The following ZMYM5 variants were observed in gnomAD, a reference collection of about 807,000 sequenced individuals.
ZMYM5 encodes zinc finger MYM-type protein 5.
A neutral mutation model predicts 61.8 loss-of-function variants in ZMYM5; 41 were observed. The ratio of observed to expected loss-of-function variants is 0.66; its 90% confidence interval spans 0.52 to 0.86. The LOEUF (loss-of-function observed/expected upper bound fraction) is 0.86. Ranked by LOEUF, ZMYM5 falls within the 40% of genes least tolerant of loss-of-function variation. ZMYM5 has a pLI of 0.00. For missense variants in ZMYM5, 706 were observed against 786.7 expected, an observed-to-expected ratio of 0.90 and a Z score of 1.23; for synonymous variants, 257 against 276.4, an observed-to-expected ratio of 0.93 and a Z score of 0.70.
chr13:19,853,101 C>T (rs1256540830), intron 2 of ZMYM5, among the ~76,000 whole-genome samples: 2 of 152,370 alleles, frequency 1.3e-5, no homozygotes, highest in East Asian at 3.9e-4. Flanking sequence ...ATCCTCCTGC[C>T]TTGGCTCCCC....
At chr13:19,853,290 T>C (rs1473135356) in intron 2 of ZMYM5, among the ~76,000 whole-genome samples, 1 of 152,206 alleles carries the variant, frequency 6.6e-6, no homozygotes, top group Non-Finnish European at 1.5e-5. Flanking sequence ...TGGGGGGCTC[T>C]TAAGCAGATG....
chr13:19,835,826 A>AAT (rs1555259397), intron 6 of ZMYM5, 137 bp from the exon 7 acceptor site: 6 of 456,016 alleles, frequency 1.3e-5, no homozygotes, highest in Non-Finnish European at 2.1e-5. Context: ...CAGGGAAAAG[A>AAT]TTTTTTTTTT....
chr13:19,859,936 C>G (rs1027388307), intron 2 of ZMYM5, among the ~76,000 whole-genome samples: 1 of 149,492 alleles, frequency 6.7e-6, no homozygotes, highest in African/African-American at 2.4e-5. Flanking sequence ...AGTCCCTTGT[C>G]TCTACTAAAA....
At chr13:19,862,959 A>G (rs1329102595) in intron 1 of ZMYM5, among the ~76,000 whole-genome samples, 1 of 152,200 alleles carries the variant, frequency 6.6e-6, no homozygotes, top group Non-Finnish European at 1.5e-5. Context: ...GCAAAGAGTA[A>G]AAGCCGCGCA....
At chr13:19,853,616 C>CTT (rs1183645892) in intron 2 of ZMYM5, among the ~76,000 whole-genome samples, 2 of 142,550 alleles carry the variant, frequency 1.4e-5, no homozygotes, top group African/African-American at 2.6e-5. Flanking sequence ...TTTTTTCTTT[C>CTT]TTTTTTTTTT....
At chr13:19,839,098 T>C in intron 4 of ZMYM5, 113 bp from the exon 5 acceptor site, 1 of 1,323,268 alleles carries the variant, frequency 7.6e-7, no homozygotes, top group Non-Finnish European at 1.0e-6. Context: ...CGTATAAACA[T>C]GTGGTTAAGG....
intron 1 of ZMYM5, 30 bp from the exon 2 acceptor site, chr13:19,862,496 TACAACCAATCTGGATGC>T (rs1447150666): frequency 6.6e-6 from 1 of 151,942 alleles, no homozygotes; most frequent in African/African-American, 2.4e-5. Flanking sequence ...CCAATTTCGG[TACAACCAATCTGGATGC>T]ACAACCAACT....
intron 7 of ZMYM5, among the ~76,000 whole-genome samples, chr13:19,831,149 C>T (rs1891194736): frequency 7.4e-6 from 1 of 135,606 alleles, no homozygotes; most frequent in African/African-American, 2.7e-5. Context: ...TTTTTTGAGA[C>T]AAGGTCTTGC....
intron 4 of ZMYM5, among the ~76,000 whole-genome samples, chr13:19,844,086 C>T (rs1454130384): frequency 8.8e-5 from 13 of 147,530 alleles, no homozygotes; most frequent in Admixed American, 3.5e-4. Context: ...TTCAGTGAGC[C>T]GAGATCGCCC....
chr13:19,854,441 G>A (rs1482021198), intron 2 of ZMYM5, among the ~76,000 whole-genome samples: 7 of 151,922 alleles, frequency 4.6e-5, no homozygotes, highest in Non-Finnish European at 8.8e-5. Flanking sequence ...CCTGGTCAAC[G>A]TGGTGAAACC....
rs1890783520 is a variant in ZMYM5, at chr13:19,823,962, C to T, written c.*515G>A. The T allele has an allele frequency of 6.6e-6, 1 of 152,306 alleles. No homozygotes were observed. Among genetic ancestry groups the T allele is most frequent in the African/African-American group, 2.4e-5 (1 of 41,442 alleles). 9.4% of individuals were successfully genotyped at this position (152,306 alleles called of 1,614,324 possible). A position where few individuals can be genotyped will look rare whatever the true frequency, so the allele number is the denominator to read the frequency against. Reference sequence around the variant, plus strand: ...CAAGCGATTCTCCTGCCTCAGCCTCCTGAGTAGCTGGGACTACAGGTGTGT... The same window carrying T: ...CAAGCGATTCTCCTGCCTCAGCCTCTTGAGTAGCTGGGACTACAGGTGTGT... On this transcript the variant is annotated 3_prime_UTR_variant, in exon 8 of 8. Transcript: ENST00000337963.
At position 19,851,748 on chromosome 13, in the gene ZMYM5, C is replaced by T; in HGVS notation, c.433G>A (p.Gly145Arg). ...SSCFIEWGLP[G>R]TKNKTNDLDF... ...AAATCGTTGGTTTTGTTTTTAGTTCCAGGAAGTCCCCATTCGATAAAACAG... is the reference window on the plus strand; with the variant it reads ...AAATCGTTGGTTTTGTTTTTAGTTCTAGGAAGTCCCCATTCGATAAAACAG... Residue 145 changes from glycine (G) to arginine (R), a missense_variant, in exon 3 of 8, where the codon GGA (glycine) becomes AGA (arginine). This residue lies in a region of ZMYM5 where 480 missense variants were observed against 461.7 expected (regional missense o/e 1.04). Transcript: ENST00000337963. 6.3e-7 allele frequency: 1 copy of T among 1,592,920 alleles called. No homozygotes were observed. The highest frequency in any genetic ancestry group is 8.5e-7 in the Non-Finnish European group (1 of 1,174,656).
intron 4 of ZMYM5, among the ~76,000 whole-genome samples, chr13:19,847,240 C>A (rs1376451604): frequency 3.3e-5 from 5 of 152,118 alleles, no homozygotes; most frequent in Admixed American, 3.3e-4. Context: ...TGAGCCACTG[C>A]GCCTGGTGAT....
Position 19,835,606 on chromosome 13 carries a change from A to C in ZMYM5, c.1122T>G (p.Gly374=), listed in dbSNP as rs1382958822. The change falls in exon 7 of 8, where the codon GGT becomes GGG. Residue 374 remains glycine, a synonymous_variant. Coordinates refer to ENST00000337963, the MANE Select transcript of ZMYM5 (RefSeq NM_001142684.2). ...HCFNKYRLAN[G]LIMNCCEHCG... ...AGTGTTCACAGCAGTTCATTATTAGACCATTGGCCAATCTGTACTTATTAA... is the reference window on the plus strand; with the variant it reads ...AGTGTTCACAGCAGTTCATTATTAGCCCATTGGCCAATCTGTACTTATTAA... The C allele has an allele frequency of 2.2e-6, 3 of 1,367,552 alleles. No individual in the cohort carries two copies. The highest frequency in any genetic ancestry group is 2.0e-6 in the Non-Finnish European group (2 of 1,021,852). The allele number at this position is 1,367,552 out of a possible 1,614,324, so 84.7% of individuals were successfully genotyped here.
At chr13:19,847,803 A>ATTTTTTTTTTTTTTT (rs34176871) in intron 4 of ZMYM5, among the ~76,000 whole-genome samples, 40 of 79,876 alleles carry the variant, frequency 5.0e-4, no homozygotes, top group Non-Finnish European at 7.4e-4. Context: ...TGCCCGGCTA[A>ATTTTTTTTTTTTTTT]TTTTTTTTTT....
chr13:19,836,585 A>G (rs1376969502), intron 6 of ZMYM5, among the ~76,000 whole-genome samples: 2 of 152,158 alleles, frequency 1.3e-5, no homozygotes, highest in African/African-American at 2.4e-5. Flanking sequence ...TTGGGATTAT[A>G]TGTATGAGTC....
At chr13:19,856,625 G>T (rs1341787389) in intron 2 of ZMYM5, among the ~76,000 whole-genome samples, 1 of 150,434 alleles carries the variant, frequency 6.6e-6, no homozygotes, top group African/African-American at 2.5e-5. Flanking sequence ...GGGCAACAAG[G>T]GCGAAACTCT....
intron 7 of ZMYM5, among the ~76,000 whole-genome samples, chr13:19,831,246 GCTCCC>G (rs1281940189): frequency 2.0e-5 from 3 of 151,294 alleles, no homozygotes; most frequent in Non-Finnish European, 4.4e-5. Flanking sequence ...TTCACCTCAG[GCTCCC>G]AAACAGCTGG....
intron 7 of ZMYM5, among the ~76,000 whole-genome samples, chr13:19,831,635 A>C (rs1002846771): frequency 6.6e-6 from 1 of 151,398 alleles, no homozygotes; most frequent in Non-Finnish European, 1.5e-5. Context: ...GTCCGTCTCT[A>C]CCAAAAATAC....
Sources: allele counts gnomAD v4.1 joint callset (sites outside exome capture counted in the v4.1 genomes callset), GRCh38; gene constraint gnomAD v4.1.1; regional missense constraint gnomAD v4.1.1; transcripts MANE v1.5; gene names NCBI Gene and HGNC (gene_info 2026-07-23, HGNC 2026-07-21).